LHFPL6: variants seen among roughly 807,000 people sequenced by gnomAD.
LHFPL6 encodes LHFPL tetraspan subfamily member 6.
LHFPL6 carries 9 observed loss-of-function variants against 20.6 expected under a neutral mutation model. The ratio of observed to expected loss-of-function variants is 0.44; its 90% CI spans 0.26 to 0.76. The LOEUF is 0.76. Ranked by LOEUF, LHFPL6 falls within the 30% of genes least tolerant of loss-of-function variation. LHFPL6 has a pLI of 0.20. For missense variants in LHFPL6, 218 were observed against 253.5 expected (o/e 0.86, Z 0.95); for synonymous variants, 105 against 98.7 (o/e 1.06, Z -0.38).
chr13:39,516,604 A>G (rs1869927640), intron 2 of LHFPL6, among the ~76,000 whole-genome samples: 1 of 152,256 alleles, frequency 6.6e-6, no homozygotes, highest in South Asian at 2.1e-4. Context: ...GTTAATTACC[A>G]GACTGATGAA....
At chr13:39,468,021 T>C (rs1412923227) in intron 2 of LHFPL6, among the ~76,000 whole-genome samples, 1 of 152,174 alleles carries the variant, frequency 6.6e-6, no homozygotes, top group Non-Finnish European at 1.5e-5. Context: ...GGGGAAGCCT[T>C]CCTCTTTTGC....
At chr13:39,438,195 G>T (rs73175120) in intron 2 of LHFPL6, among the ~76,000 whole-genome samples, 2 of 152,054 alleles carry the variant, frequency 1.3e-5, no homozygotes, top group African/African-American at 4.8e-5. Context: ...CTTTTGCTAC[G>T]CTTTAGCACA....
chr13:39,346,296 T>C (rs913918576), intron 3 of LHFPL6, among the ~76,000 whole-genome samples: 9 of 152,250 alleles, frequency 5.9e-5, no homozygotes, highest in African/African-American at 1.7e-4. Context: ...CACACAGACA[T>C]CAAGCTATGT....
At chr13:39,489,714 G>A (rs1298582772) in intron 2 of LHFPL6, among the ~76,000 whole-genome samples, 1 of 151,828 alleles carries the variant, frequency 6.6e-6, no homozygotes, top group African/African-American at 2.4e-5. Flanking sequence ...CACCATGCCC[G>A]GCTAATTTTT....
chr13:39,475,532 C>T (rs1199656983), intron 2 of LHFPL6, among the ~76,000 whole-genome samples: 2 of 151,822 alleles, frequency 1.3e-5, no homozygotes, highest in Non-Finnish European at 2.9e-5. Flanking sequence ...TTTAACATGC[C>T]CACCAAAATT....
At chr13:39,442,949 C>G (rs1872181216) in intron 2 of LHFPL6, among the ~76,000 whole-genome samples, 1 of 152,060 alleles carries the variant, frequency 6.6e-6, no homozygotes, top group African/African-American at 2.4e-5. Flanking sequence ...CTCTCTTATT[C>G]TCTCCTTTTT....
At chr13:39,544,001 A>G in intron 2 of LHFPL6, among the ~76,000 whole-genome samples, 1 of 152,212 alleles carries the variant, frequency 6.6e-6, no homozygotes, top group East Asian at 1.9e-4. Flanking sequence ...TATTTCGACT[A>G]GTTGGAAAAC....
chr13:39,449,113 C>T (rs1018733294), intron 2 of LHFPL6, among the ~76,000 whole-genome samples: 1 of 152,232 alleles, frequency 6.6e-6, no homozygotes, highest in Admixed American at 6.5e-5. Flanking sequence ...TTTTCCACTG[C>T]ATCTCGGCTG....
intron 1 of LHFPL6, among the ~76,000 whole-genome samples, chr13:39,601,982 TTTC>T (rs1872966579): frequency 6.6e-6 from 1 of 152,208 alleles, no homozygotes. Flanking sequence ...CATTTCAGAA[TTTC>T]TTTAGTCTTA....
At chr13:39,349,655 A>G (rs1869506971) in intron 3 of LHFPL6, among the ~76,000 whole-genome samples, 1 of 152,212 alleles carries the variant, frequency 6.6e-6, no homozygotes, top group African/African-American at 2.4e-5. Context: ...ATGTGCTTTG[A>G]AGAAAAAAAT....
At chr13:39,591,513 C>A (rs1457189628) in intron 2 of LHFPL6, among the ~76,000 whole-genome samples, 3 of 152,194 alleles carry the variant, frequency 2.0e-5, no homozygotes, top group Non-Finnish European at 4.4e-5. Context: ...CACATCACCC[C>A]CAAAATGACC....
At chr13:39,537,021 G>A (rs898929412) in intron 2 of LHFPL6, among the ~76,000 whole-genome samples, 1 of 152,184 alleles carries the variant, frequency 6.6e-6, no homozygotes, top group African/African-American at 2.4e-5. Flanking sequence ...TTCCCTCCAT[G>A]GGGCCTGTTC....
At chr13:39,377,263 C>T (rs540264412) in intron 3 of LHFPL6, among the ~76,000 whole-genome samples, 63 of 152,320 alleles carry the variant, frequency 4.1e-4, no homozygotes, top group Middle Eastern at 3.4e-3. Context: ...CATTTCTTTA[C>T]GAAGGGTCCT....
intron 3 of LHFPL6, among the ~76,000 whole-genome samples, chr13:39,371,280 A>G (rs76250477): frequency 6.6e-6 from 1 of 152,248 alleles, no homozygotes; most frequent in Non-Finnish European, 1.5e-5. Context: ...ATTAATTGAA[A>G]CACTACTTTT....
chr13:39,516,186 A>G (rs1324619749), intron 2 of LHFPL6, among the ~76,000 whole-genome samples: 1 of 152,234 alleles, frequency 6.6e-6, no homozygotes, highest in Non-Finnish European at 1.5e-5. Context: ...TCAAGCAACA[A>G]AAATCTAACA....
At chr13:39,357,443 A>T (rs1355003502) in intron 3 of LHFPL6, among the ~76,000 whole-genome samples, 1 of 152,210 alleles carries the variant, frequency 6.6e-6, no homozygotes, top group Non-Finnish European at 1.5e-5. Context: ...GGAACAAGAC[A>T]AAGACGCCAA....
chr13:39,347,609 CA>C (rs770667280), intron 3 of LHFPL6, among the ~76,000 whole-genome samples: 6,802 of 152,190 alleles, frequency 0.045, 349 homozygotes, highest in African/African-American at 0.13. Flanking sequence ...CAATGACCTC[CA>C]TTAATACAGA....
Position 39,372,861 on chromosome 13 carries a change from C to G in LHFPL6, c.484+5567G>C, listed in dbSNP as rs1870196596. Among the ~76,000 whole-genome samples the G allele has an allele frequency of 1.3e-5, 2 of 152,178 alleles. 1 individual carries two copies. The highest frequency in any genetic ancestry group is 4.1e-4 in the South Asian group (2 of 4,832). Reference sequence around the variant, plus strand: ...AATGTTCTGACCTTGGGAGGCTCTTCAAGTATTATTTTGTACCATGGCTGA... The same window carrying G: ...AATGTTCTGACCTTGGGAGGCTCTTGAAGTATTATTTTGTACCATGGCTGA... On this transcript the variant is annotated intron_variant, in intron 3 of 3. Transcript: ENST00000379589.
At chr13:39,578,328 C>T (rs1258709356) in intron 2 of LHFPL6, among the ~76,000 whole-genome samples, 1 of 152,178 alleles carries the variant, frequency 6.6e-6, no homozygotes, top group Non-Finnish European at 1.5e-5. Context: ...ACATGTTCAA[C>T]TGTTGGGCAT....
Sources: allele counts gnomAD v4.1 joint callset (sites outside exome capture counted in the v4.1 genomes callset), GRCh38; gene constraint gnomAD v4.1.1; transcripts MANE v1.5; gene names NCBI Gene and HGNC (gene_info 2026-07-23, HGNC 2026-07-21).